The following CXADR variants were observed in gnomAD, a reference collection of about 807,000 sequenced individuals.
The protein encoded by CXADR is coxsackievirus and adenovirus receptor.
In CXADR, 20 loss-of-function variants were observed where a neutral mutation model predicts 40.3. The ratio of observed to expected loss-of-function variants is 0.50; its 90% CI spans 0.35 to 0.72. The LOEUF is 0.72. CXADR is among the 30% of genes least tolerant of loss of function. CXADR has a pLI of 0.01. For missense variants in CXADR, 332 were observed against 449.1 expected, an observed-to-expected ratio of 0.74 and a Z score of 2.36; for synonymous variants, 150 against 161.3, an observed-to-expected ratio of 0.93 and a Z score of 0.53.
chr21:17,622,449 T>A, the CXADR span, among the ~76,000 whole-genome samples: 6 of 152,198 alleles, frequency 3.9e-5, no homozygotes, highest in Non-Finnish European at 8.8e-5. Flanking sequence ...CAGCTAACTC[T>A]TTTTGTGATA....
downstream of CXADR, among the ~76,000 whole-genome samples, chr21:17,598,083 T>C (rs955360101): frequency 5.3e-5 from 8 of 152,158 alleles, no homozygotes; most frequent in Non-Finnish European, 1.2e-4. Flanking sequence ...TGTTCTTTGG[T>C]ATGTAGATAT....
the CXADR span, among the ~76,000 whole-genome samples, chr21:17,626,239 C>T: frequency 6.6e-6 from 1 of 152,110 alleles, no homozygotes; most frequent in South Asian, 2.1e-4. Context: ...GCAAACATAC[C>T]TATCCCCTTG....
At chr21:17,572,242 A>G (rs2737877), downstream of CXADR, among the ~76,000 whole-genome samples, 89,894 of 142,738 alleles carry the variant, frequency 0.63, 30,071 homozygotes, top group Non-Finnish European at 0.76. Context: ...GTGGTGGTGC[A>G]TGCCTGTAAT....
the CXADR span, among the ~76,000 whole-genome samples, chr21:17,631,001 C>G: frequency 6.6e-6 from 1 of 152,098 alleles, no homozygotes; most frequent in Non-Finnish European, 1.5e-5. Context: ...TAAGGCAACT[C>G]CCTGGCTTCC....
intron 1 of CXADR, among the ~76,000 whole-genome samples, chr21:17,527,850 C>T (rs1380502004): frequency 1.3e-5 from 2 of 151,632 alleles, no homozygotes; most frequent in East Asian, 1.9e-4. Context: ...CTCGCTCTGT[C>T]GCCCAGGCTG....
At chr21:17,572,284 T>C (rs1465275832), downstream of CXADR, among the ~76,000 whole-genome samples, 1 of 151,008 alleles carries the variant, frequency 6.6e-6, no homozygotes, top group African/African-American at 2.4e-5. Context: ...ATGGGATGAT[T>C]GCTTGAACCT....
At chr21:17,600,934 C>T in the CXADR span, among the ~76,000 whole-genome samples, 8 of 152,176 alleles carry the variant, frequency 5.3e-5, no homozygotes, top group African/African-American at 1.9e-4. Context: ...GAGGCCAAGG[C>T]GGGTGGATCA....
At chr21:17,610,302 T>G in the CXADR span, among the ~76,000 whole-genome samples, 1 of 152,238 alleles carries the variant, frequency 6.6e-6, no homozygotes, top group Admixed American at 6.5e-5. Context: ...ACTGTACATT[T>G]TAAATGGGTG....
rs776008039 is a variant in CXADR, at chr21:17,565,744, A to G, written c.*52A>G. On this transcript the variant is annotated 3_prime_UTR_variant, in exon 7 of 7. Transcript: ENST00000284878. ...TCCGTGTTCCTTTCCTTTTTTTGAT[A>G]TATGAAAACCTATTCTGGTCTAAAT... The G allele has an allele frequency of 4.5e-6, 7 of 1,571,462 alleles. No individual in the cohort carries two copies. Among genetic ancestry groups the G allele is most frequent in the Non-Finnish European group, 3.4e-6 (4 of 1,159,970 alleles).
the CXADR span, among the ~76,000 whole-genome samples, chr21:17,631,686 G>C: frequency 6.6e-6 from 1 of 152,068 alleles, no homozygotes; most frequent in African/African-American, 2.4e-5. Flanking sequence ...AATGATTTTA[G>C]CTTTCTATAT....
At chr21:17,559,334 C>T (rs758672006) in intron 4 of CXADR, among the ~76,000 whole-genome samples, 2 of 130,676 alleles carry the variant, frequency 1.5e-5, no homozygotes, top group Admixed American at 8.3e-5. Context: ...TGCATGCCAT[C>T]ACACCCTGCT....
chr21:17,594,148 C>T (rs1432674024), downstream of CXADR: 6 of 1,613,106 alleles, frequency 3.7e-6, no homozygotes, highest in Admixed American at 8.3e-5. Context: ...ACAATGCATT[C>T]CAGGAGGAGG....
chr21:17,538,707 T>G (rs1234645488), intron 1 of CXADR, among the ~76,000 whole-genome samples: 1 of 152,116 alleles, frequency 6.6e-6, no homozygotes, highest in Non-Finnish European at 1.5e-5. Flanking sequence ...TCCCAGCTCC[T>G]TGGGAGGCTG....
chr21:17,620,790 C>T, the CXADR span, among the ~76,000 whole-genome samples: 1 of 151,604 alleles, frequency 6.6e-6, no homozygotes, highest in Non-Finnish European at 1.5e-5. Flanking sequence ...ATAGGAGGCA[C>T]AGAGAGAAAA....
At chr21:17,622,999 C>CT in the CXADR span, among the ~76,000 whole-genome samples, 3 of 151,250 alleles carry the variant, frequency 2.0e-5, no homozygotes, top group South Asian at 2.1e-4. Context: ...AGTGATGACT[C>CT]TTTTTTTTTG....
chr21:17,547,677 T>G (rs1312000138), intron 2 of CXADR, among the ~76,000 whole-genome samples: 1 of 152,248 alleles, frequency 6.6e-6, no homozygotes, highest in Non-Finnish European at 1.5e-5. Context: ...AACAACTACA[T>G]AGTATTACAG....
intron 1 of CXADR, among the ~76,000 whole-genome samples, chr21:17,539,229 C>G (rs946723565): frequency 1.3e-5 from 2 of 152,142 alleles, no homozygotes; most frequent in African/African-American, 4.8e-5. Flanking sequence ...ATCATCTCAG[C>G]TTGCTGCCAC....
chr21:17,631,850 G>A, the CXADR span, among the ~76,000 whole-genome samples: 1 of 152,294 alleles, frequency 6.6e-6, no homozygotes, highest in African/African-American at 2.4e-5. Context: ...AAAGGAAGAT[G>A]AGGCTTAAAA....
chr21:17,625,428 G>A, the CXADR span, among the ~76,000 whole-genome samples: 2 of 151,994 alleles, frequency 1.3e-5, no homozygotes, highest in East Asian at 1.9e-4. Flanking sequence ...CCCAATTACC[G>A]ATTTGATCAT....
Sources: allele counts gnomAD v4.1 joint callset (sites outside exome capture counted in the v4.1 genomes callset), GRCh38; gene constraint gnomAD v4.1.1; transcripts MANE v1.5; gene names NCBI Gene and HGNC (gene_info 2026-07-23, HGNC 2026-07-21).